Variants in ZNF385D observed in about 807,000 individuals in gnomAD.
ZNF385D encodes zinc finger protein 385D.
Under a neutral mutation model 35.8 loss-of-function variants are expected in ZNF385D, and 15 were observed. The ratio of observed to expected loss-of-function variants is 0.42; its 90% CI spans 0.28 to 0.64. The LOEUF is 0.64. Among genes scored for constraint, ZNF385D ranks in the 30% least tolerant of loss-of-function variants. ZNF385D has a pLI of 0.23. For missense variants in ZNF385D, 474 were observed against 494.6 expected (o/e 0.96, Z 0.39); for synonymous variants, 212 against 186.8 (o/e 1.13, Z -1.10).
At chr3:21,943,140 A>G (rs2125278988) in intron 3 of ZNF385D, among the ~76,000 whole-genome samples, 1 of 152,260 alleles carries the variant, frequency 6.6e-6, no homozygotes, top group African/African-American at 2.4e-5. Flanking sequence ...TGAGGGAAGT[A>G]TTAATTTATT....
At chr3:22,320,058 CTT>C (rs79055027) in intron 2 of ZNF385D, among the ~76,000 whole-genome samples, 3 of 143,360 alleles carry the variant, frequency 2.1e-5, no homozygotes, top group Admixed American at 7.0e-5. Context: ...CACATACAAA[CTT>C]TTTTTTTTTT....
Position 21,424,315 on chromosome 3 carries a change from A to T in ZNF385D, c.853-251T>A, listed in dbSNP as rs868034641. On this transcript the variant is annotated intron_variant, in intron 6 of 7. Transcript: ENST00000281523. ...TATATATATATTTATATATATATAT[A>T]TATTTTTTTTTTTTTTTGAGATGGA... Among the ~76,000 whole-genome samples, 263 of 47,006 alleles carry T rather than the reference A, an allele frequency of 5.6e-3. 3 individuals carry two copies. Among genetic ancestry groups the T allele is most frequent in the East Asian group, 0.04 (58 of 1,456 alleles). 30.8% of individuals were successfully genotyped at this position (47,006 alleles called of 152,430 possible).
intron 3 of ZNF385D, among the ~76,000 whole-genome samples, chr3:22,139,436 T>TA (rs1460075127): frequency 6.6e-6 from 1 of 151,856 alleles, no homozygotes; most frequent in Non-Finnish European, 1.5e-5. Flanking sequence ...TATGCAGCCA[T>TA]AAAAAACGAT....
At chr3:21,727,984 C>T (rs1444847843) in intron 1 of ZNF385D, among the ~76,000 whole-genome samples, 5 of 152,078 alleles carry the variant, frequency 3.3e-5, no homozygotes, top group East Asian at 3.9e-4. Context: ...ATGTCCTTTG[C>T]AGGGACATGG....
intron 3 of ZNF385D, among the ~76,000 whole-genome samples, chr3:21,942,055 A>G (rs1701547832): frequency 6.6e-6 from 1 of 152,106 alleles, no homozygotes; most frequent in Admixed American, 6.5e-5. Context: ...ACACATGTGT[A>G]TTGTCAAATG....
At chr3:21,657,794 GAATT>G (rs1443554442) in intron 2 of ZNF385D, among the ~76,000 whole-genome samples, 4 of 152,008 alleles carry the variant, frequency 2.6e-5, no homozygotes, top group Middle Eastern at 3.4e-3. Flanking sequence ...TGTGTAAACT[GAATT>G]AATTAATATC....
rs577503713 is a variant in ZNF385D, at chr3:22,116,281, A to G, written c.325+52536T>C. Among the ~76,000 whole-genome samples, 134 of 152,200 alleles carry G rather than the reference A, an allele frequency of 8.8e-4. 1 individual carries two copies. The highest frequency in any genetic ancestry group is 3.2e-3 in the African/African-American group (132 of 41,554). ...ATGTCTACATTTGACACTTAACACC[A>G]AATAACACTTTTTATTGAAGTCACA... On this transcript the variant is annotated intron_variant, in intron 3 of 5. Transcript: ENST00000494108.
At chr3:22,160,551 G>A (rs1705876865) in intron 3 of ZNF385D, among the ~76,000 whole-genome samples, 1 of 151,832 alleles carries the variant, frequency 6.6e-6, no homozygotes, top group Admixed American at 6.6e-5. Flanking sequence ...ATATCTTCTG[G>A]GGCAATCAAT....
In ZNF385D at chr3:22,329,668, T is replaced by C. The variant is rs1399903886; in HGVS notation, c.106+42782A>G. ...ATTTGCTAGAACTTTTGCATAAGAGTAAATATTATATAGATCAACACTGTC... is the reference window on the plus strand; with the variant it reads ...ATTTGCTAGAACTTTTGCATAAGAGCAAATATTATATAGATCAACACTGTC... On this transcript the variant is annotated intron_variant, in intron 2 of 5. Coordinates refer to the ZNF385D transcript ENST00000494108. Among the ~76,000 whole-genome samples, 3 of 152,078 alleles carry C rather than the reference T, an allele frequency of 2.0e-5. No homozygotes were observed. The East Asian group carries it at 5.8e-4, about 29-fold the overall frequency.
chr3:21,706,687 T>C (rs891239594), intron 1 of ZNF385D, among the ~76,000 whole-genome samples: 1 of 152,138 alleles, frequency 6.6e-6, no homozygotes, highest in Non-Finnish European at 1.5e-5. Context: ...TTAAGACCAA[T>C]ACCCAGAAAT....
chr3:22,347,684 A>T, intron 2 of ZNF385D, among the ~76,000 whole-genome samples: 1 of 152,184 alleles, frequency 6.6e-6, no homozygotes, highest in East Asian at 1.9e-4. Context: ...TGACTGTTTC[A>T]CTTTATGCAT....
At chr3:21,731,409 C>G (rs2068989376) in intron 1 of ZNF385D, among the ~76,000 whole-genome samples, 1 of 151,940 alleles carries the variant, frequency 6.6e-6, no homozygotes, top group Non-Finnish European at 1.5e-5. Flanking sequence ...TCTCATATAC[C>G]CACTGCCTTC....
chr3:22,355,570 A>T (rs545162652), intron 2 of ZNF385D, among the ~76,000 whole-genome samples: 1 of 152,100 alleles, frequency 6.6e-6, no homozygotes, highest in East Asian at 1.9e-4. Flanking sequence ...CTCCATGATG[A>T]CTTAAAGAAG....
At chr3:21,689,948 G>A (rs2067228318) in intron 1 of ZNF385D, among the ~76,000 whole-genome samples, 1 of 151,158 alleles carries the variant, frequency 6.6e-6, no homozygotes, top group Non-Finnish European at 1.5e-5. Context: ...TATTTTGAAT[G>A]AGACTTTACA....
chr3:22,143,635 T>A (rs1704665505), intron 3 of ZNF385D, among the ~76,000 whole-genome samples: 1 of 152,208 alleles, frequency 6.6e-6, no homozygotes, highest in Non-Finnish European at 1.5e-5. Flanking sequence ...ATTGATGGCC[T>A]TTTAGATTTA....
At chr3:22,141,747 C>A (rs766142786) in intron 3 of ZNF385D, among the ~76,000 whole-genome samples, 4 of 152,244 alleles carry the variant, frequency 2.6e-5, no homozygotes, top group Admixed American at 2.6e-4. Flanking sequence ...ATACTTACTA[C>A]CTGTTATCTC....
intron 2 of ZNF385D, among the ~76,000 whole-genome samples, chr3:22,312,676 G>A (rs949549015): frequency 6.6e-6 from 1 of 152,020 alleles, no homozygotes; most frequent in African/African-American, 2.4e-5. Context: ...GGCCATCAGA[G>A]AAATGCAAAT....
intron 2 of ZNF385D, among the ~76,000 whole-genome samples, chr3:22,316,045 T>C (rs183002589): frequency 2.6e-4 from 40 of 152,260 alleles, no homozygotes; most frequent in African/African-American, 9.4e-4. Context: ...TCCTGAGATG[T>C]TTTTCAGGCT....
rs1317390778 is a variant in ZNF385D, at chr3:21,760,545, A to G, written c.326-95517T>C. Among the ~76,000 whole-genome samples, 3 of 152,214 alleles carry G rather than the reference A, an allele frequency of 2.0e-5. No individual in the cohort carries two copies. The South Asian group carries it at 6.2e-4, about 31-fold the overall frequency. Reference sequence around the variant, plus strand: ...TCACATTTCATATTTAAAATTATAAAATCATGGGAAACATAAATATCTAAT... The same window carrying G: ...TCACATTTCATATTTAAAATTATAAGATCATGGGAAACATAAATATCTAAT... On this transcript the variant is annotated intron_variant, in intron 3 of 5. Coordinates refer to the ZNF385D transcript ENST00000494108.
Sources: gnomAD v4.1 joint callset for allele counts (sites outside exome capture counted in the v4.1 genomes callset) on GRCh38, gnomAD v4.1.1 for gene constraint, MANE v1.5 for transcripts, NCBI Gene and HGNC (gene_info 2026-07-23, HGNC 2026-07-21) for gene names.